Variants in SCFD2 observed in about 807,000 individuals in gnomAD.
SCFD2 encodes the protein sec1 family domain containing 2.
Under a neutral mutation model 58.9 loss-of-function variants are expected in SCFD2, and 54 were observed. The observed-to-expected ratio is 0.92, with a 90% confidence interval of 0.74 to 1.15. SCFD2 has a LOEUF of 1.15. Ranked by LOEUF, SCFD2 falls within the 50% of genes most tolerant of loss-of-function variation. The pLI, the probability that SCFD2 is intolerant of heterozygous loss-of-function variation, is 0.00. For missense variants in SCFD2, 805 were observed against 836.6 expected (o/e 0.96, Z 0.47); for synonymous variants, 321 against 335.9 (o/e 0.96, Z 0.49).
intron 3 of SCFD2, among the ~76,000 whole-genome samples, chr4:53,306,333 G>C (rs1050518768): frequency 6.6e-6 from 1 of 152,090 alleles, no homozygotes; most frequent in Non-Finnish European, 1.5e-5. Context: ...GTAACAGAAG[G>C]CATAAAACAA....
chr4:52,999,871 A>G (rs1007241422), intron 5 of SCFD2, among the ~76,000 whole-genome samples: 6 of 152,164 alleles, frequency 3.9e-5, no homozygotes, highest in Non-Finnish European at 8.8e-5. Flanking sequence ...GTCCTCTCTG[A>G]TCCTCCTGGG....
At chr4:53,325,305 C>G (rs1438141786) in intron 2 of SCFD2, among the ~76,000 whole-genome samples, 1 of 151,528 alleles carries the variant, frequency 6.6e-6, no homozygotes, top group Non-Finnish European at 1.5e-5. Context: ...TTCCTAGAAG[C>G]TCTCCCATTC....
intron 5 of SCFD2, among the ~76,000 whole-genome samples, chr4:52,945,041 G>C (rs1720388611): frequency 1.3e-5 from 2 of 152,210 alleles, no homozygotes; most frequent in Admixed American, 6.5e-5. Context: ...AGTGGAAGAA[G>C]CAAGCTGTGG....
At chr4:53,201,740 C>T (rs1165282442) in intron 4 of SCFD2, among the ~76,000 whole-genome samples, 2 of 152,150 alleles carry the variant, frequency 1.3e-5, no homozygotes, top group Non-Finnish European at 2.9e-5. Flanking sequence ...GATGGTATCT[C>T]ATTGTGGTTT....
At chr4:52,989,829 C>T (rs1461224372) in intron 5 of SCFD2, among the ~76,000 whole-genome samples, 3 of 152,028 alleles carry the variant, frequency 2.0e-5, no homozygotes, top group Non-Finnish European at 2.9e-5. Context: ...TACTGATGCC[C>T]CCTCCCACCA....
chr4:53,084,176 C>T (rs1291808442), intron 5 of SCFD2, among the ~76,000 whole-genome samples: 2 of 152,114 alleles, frequency 1.3e-5, no homozygotes, highest in Non-Finnish European at 2.9e-5. Flanking sequence ...CTCAACTGCA[C>T]AAGACAAACA....
At chr4:53,351,934 AAC>A (rs1372214556) in intron 2 of SCFD2, among the ~76,000 whole-genome samples, 3 of 152,218 alleles carry the variant, frequency 2.0e-5, no homozygotes, top group African/African-American at 7.2e-5. Context: ...GAAAATAAAA[AAC>A]AGATACACTT....
At chr4:52,970,167 G>C (rs1024762228) in intron 5 of SCFD2, among the ~76,000 whole-genome samples, 2 of 152,130 alleles carry the variant, frequency 1.3e-5, no homozygotes, top group African/African-American at 4.8e-5. Flanking sequence ...TTGGAAAGTG[G>C]GTGCTGGACA....
At chr4:53,291,983 A>T (rs547369033) in intron 3 of SCFD2, among the ~76,000 whole-genome samples, 104 of 152,192 alleles carry the variant, frequency 6.8e-4, no homozygotes, top group African/African-American at 2.3e-3. Flanking sequence ...TTAATTCAAA[A>T]TTTTTTTAAT....
At chr4:53,183,197 G>A (rs376707437) in intron 4 of SCFD2, among the ~76,000 whole-genome samples, 8 of 152,208 alleles carry the variant, frequency 5.3e-5, no homozygotes, top group South Asian at 2.1e-4. Context: ...AAAGACACAC[G>A]CACACGTATG....
At chr4:53,290,141 T>C (rs1199646859) in intron 3 of SCFD2, among the ~76,000 whole-genome samples, 2 of 152,166 alleles carry the variant, frequency 1.3e-5, no homozygotes, top group Admixed American at 1.3e-4. Context: ...CACATTTATA[T>C]AGAACTTTCC....
chr4:53,163,626 A>G (rs930010328), intron 4 of SCFD2, among the ~76,000 whole-genome samples: 1 of 152,186 alleles, frequency 6.6e-6, no homozygotes. Context: ...GCAGCTACTC[A>G]GGATGAGGCA....
Position 53,211,970 on chromosome 4 carries a change from A to G in SCFD2, c.1311+61856T>C, listed in dbSNP as rs191957525. On this transcript the variant is annotated intron_variant, in intron 4 of 8. Transcript: ENST00000401642. ...CTGGAAAACCAAAACTACCAGCTAAAGAGTTTGAATTTTAGGCTTAACAAG... is the reference window on the plus strand; with the variant it reads ...CTGGAAAACCAAAACTACCAGCTAAGGAGTTTGAATTTTAGGCTTAACAAG... Among the ~76,000 whole-genome samples the G allele has an allele frequency of 1.2e-4, 18 of 152,228 alleles. 1 individual carries two copies. The highest frequency in any genetic ancestry group is 3.6e-4 in the African/African-American group (15 of 41,476).
At chr4:53,103,698 T>C (rs1170243485) in intron 5 of SCFD2, among the ~76,000 whole-genome samples, 1 of 134,916 alleles carries the variant, frequency 7.4e-6, no homozygotes, top group Non-Finnish European at 1.5e-5. Context: ...CCTGAAGAAA[T>C]AGCTGATTCT....
At chr4:53,255,092 C>G (rs1730556931) in intron 4 of SCFD2, among the ~76,000 whole-genome samples, 1 of 151,000 alleles carries the variant, frequency 6.6e-6, no homozygotes, top group Admixed American at 6.6e-5. Flanking sequence ...AGGTTGGTCT[C>G]AATCTCCTGA....
chr4:53,257,690 T>A (rs963919572), intron 4 of SCFD2, among the ~76,000 whole-genome samples: 6 of 152,196 alleles, frequency 3.9e-5, no homozygotes, highest in African/African-American at 1.4e-4. Context: ...AAAAACCTTA[T>A]CAAAATCTCT....
chr4:52,932,157 C>T (rs301118), intron 5 of SCFD2, among the ~76,000 whole-genome samples: 19,970 of 152,178 alleles, frequency 0.13, 1,746 homozygotes, highest in African/African-American at 0.24. Context: ...AAAGAGATAA[C>T]GTTATACTTT....
chr4:52,951,142 C>G (rs578251761), intron 5 of SCFD2: 1 of 152,164 alleles, frequency 6.6e-6, no homozygotes, highest in Non-Finnish European at 1.5e-5. Context: ...TAAGAGGTGG[C>G]TTTGATTGAT....
At chr4:52,978,932 T>C (rs1257164393) in intron 5 of SCFD2, among the ~76,000 whole-genome samples, 1 of 152,076 alleles carries the variant, frequency 6.6e-6, no homozygotes, top group Non-Finnish European at 1.5e-5. Context: ...GGGTTTGTTA[T>C]TGTTGTTTTG....
Sources: gnomAD v4.1 joint callset for allele counts (sites outside exome capture counted in the v4.1 genomes callset) on GRCh38, gnomAD v4.1.1 for gene constraint, MANE v1.5 for transcripts, NCBI Gene and HGNC (gene_info 2026-07-23, HGNC 2026-07-21) for gene names.